Variants in CADPS observed in about 807,000 individuals in gnomAD.
CADPS encodes calcium dependent secretion activator.
In CADPS, 57 loss-of-function variants were observed where a neutral mutation model predicts 167.3. That is an observed-to-expected ratio of 0.34 (90% CI 0.28 to 0.42). The LOEUF (loss-of-function observed/expected upper bound fraction) is 0.42. CADPS is among the 20% of genes least tolerant of loss of function. CADPS has a pLI of 1.00. For missense variants in CADPS, 1,414 were observed against 1,738.1 expected, an observed-to-expected ratio of 0.81 and a Z score of 3.32; for synonymous variants, 676 against 635.3, an observed-to-expected ratio of 1.06 and a Z score of -0.96.
intron 1 of CADPS, among the ~76,000 whole-genome samples, chr3:62,853,696 C>T (rs1282398182): frequency 6.6e-6 from 1 of 151,588 alleles, no homozygotes; most frequent in Non-Finnish European, 1.5e-5. Context: ...CCCAGTGGCT[C>T]ACGCCTATAA....
At chr3:62,809,027 A>T (rs1314662354) in intron 1 of CADPS, among the ~76,000 whole-genome samples, 1 of 151,988 alleles carries the variant, frequency 6.6e-6, no homozygotes, top group Non-Finnish European at 1.5e-5. Context: ...TTTTTCCTTC[A>T]CTTAATCCAT....
rs914228903 is a variant in CADPS, at chr3:62,465,124, T to C, written c.3636+243A>G. On this transcript the variant is annotated intron_variant, in intron 26 of 29. Coordinates refer to ENST00000383710, the MANE Select transcript of CADPS (RefSeq NM_003716.4). This position sits in a 1 kb window ranked among gnomAD's most constrained non-coding sequence, Gnocchi z 4.1. ...ATCTCTGGATGCATACAAATAGCAA[T>C]GTGTGTGTGTGTTCATAAAAAATAC... Among the ~76,000 whole-genome samples, 1 of 152,096 alleles carries C rather than the reference T, an allele frequency of 6.6e-6. No individual in the cohort carries two copies. Among genetic ancestry groups the C allele is most frequent in the African/African-American group, 2.4e-5 (1 of 41,430 alleles).
At chr3:62,592,784 T>C in intron 6 of CADPS, 36 bp from the exon 7 acceptor site, 1 of 1,479,898 alleles carries the variant, frequency 6.8e-7, no homozygotes, top group South Asian at 1.1e-5. Flanking sequence ...TGTAGACATA[T>C]CTGCCTTGAT....
At chr3:62,616,674 C>T (rs2062360118) in intron 6 of CADPS, among the ~76,000 whole-genome samples, 1 of 152,074 alleles carries the variant, frequency 6.6e-6, no homozygotes, top group Non-Finnish European at 1.5e-5. Flanking sequence ...ACTATATCCT[C>T]AATATAATGC....
chr3:62,484,145 C>T (rs926235195), intron 21 of CADPS, among the ~76,000 whole-genome samples: 1 of 151,966 alleles, frequency 6.6e-6, no homozygotes. Context: ...AGAAACATTT[C>T]CTTCTCTTTT....
chr3:62,522,857 A>C (rs1457985487), intron 13 of CADPS, among the ~76,000 whole-genome samples: 5 of 152,150 alleles, frequency 3.3e-5, no homozygotes, highest in Non-Finnish European at 7.3e-5. Context: ...GGTCAAGCGC[A>C]GTCATTTTTG....
intron 1 of CADPS, among the ~76,000 whole-genome samples, chr3:62,800,691 A>C (rs2093706541): frequency 6.6e-6 from 1 of 152,104 alleles, no homozygotes; most frequent in Admixed American, 6.6e-5. Flanking sequence ...CACCCATGCA[A>C]TTTGGTATGT....
At chr3:62,533,369 C>T (rs552282096) in intron 12 of CADPS, among the ~76,000 whole-genome samples, 15 of 152,198 alleles carry the variant, frequency 9.9e-5, no homozygotes, top group Non-Finnish European at 2.1e-4. Context: ...GTCTCACCTA[C>T]TGCTTGAACA....
chr3:62,624,320 TCTC>T (rs1337633517), intron 6 of CADPS, among the ~76,000 whole-genome samples: 4 of 152,104 alleles, frequency 2.6e-5, no homozygotes, highest in African/African-American at 9.7e-5. Flanking sequence ...CTGAATCTCT[TCTC>T]CTCATTCCCA....
At chr3:62,574,363 A>G (rs1187479911) in intron 8 of CADPS, among the ~76,000 whole-genome samples, 1 of 152,154 alleles carries the variant, frequency 6.6e-6, no homozygotes, top group Non-Finnish European at 1.5e-5. Flanking sequence ...TAGAGAATAC[A>G]CTGTAGGAGG....
chr3:62,849,568 CT>C (rs2078148820), intron 1 of CADPS, among the ~76,000 whole-genome samples: 1 of 126,596 alleles, frequency 7.9e-6, no homozygotes, highest in Admixed American at 8.0e-5. Context: ...TGTTTATATG[CT>C]GGATTACATT....
chr3:62,616,171 CTTTAAGCACAGAATGATAATTTCAT>C (rs2149385558), intron 6 of CADPS, among the ~76,000 whole-genome samples: 1 of 152,310 alleles, frequency 6.6e-6, no homozygotes, highest in East Asian at 1.9e-4. Flanking sequence ...AATTTCATCA[CTTTAAGCACAGAATGATAATTTCAT>C]TTTCCATTCT....
At chr3:62,468,255 T>C (rs1208195955) in intron 24 of CADPS, among the ~76,000 whole-genome samples, 3 of 152,184 alleles carry the variant, frequency 2.0e-5, no homozygotes, top group Non-Finnish European at 4.4e-5. Context: ...ATCACATGCT[T>C]ACTTTTCCTC....
chr3:62,756,502 A>G (rs2083949398), intron 2 of CADPS, among the ~76,000 whole-genome samples: 1 of 152,214 alleles, frequency 6.6e-6, no homozygotes, highest in South Asian at 2.1e-4. Context: ...GGTGGAAGAC[A>G]CTGTACCAGG....
rs750321686 is a variant in CADPS at position 62,853,959 on chromosome 3, AAAATAAAT to A, written c.441+20622_441+20629del. On this transcript the variant is annotated intron_variant, in intron 1 of 29. Coordinates refer to ENST00000383710, the MANE Select transcript of CADPS (RefSeq NM_003716.4). ...CGACAGACAGTAAGCCTGTCACATT[AAAATAAAT>A]AAATAAATAAATAATACATGACAAA... is the stretch of plus-strand genomic sequence containing the variant. Among the ~76,000 whole-genome samples, 5 of 152,236 alleles carry A rather than the reference AAAATAAAT, an allele frequency of 3.3e-5. No individual in the cohort carries two copies. The South Asian group carries it at 6.2e-4, about 19-fold the overall frequency.
intron 6 of CADPS, among the ~76,000 whole-genome samples, chr3:62,622,116 C>A (rs1341698017): frequency 6.6e-6 from 1 of 152,084 alleles, no homozygotes; most frequent in Admixed American, 6.6e-5. Context: ...CTGCCTTTCA[C>A]TGGTTTCCTG....
In CADPS at chr3:62,550,075, C is replaced by T. The variant is rs1170196303; in HGVS notation, c.1794G>A (p.Glu598=). 5 of 1,614,048 alleles carry T rather than the reference C, an allele frequency of 3.1e-6. No individual in the cohort carries two copies. In the South Asian group the frequency reaches 3.3e-5, roughly 11 times the overall value. The change falls in exon 11 of 30, where the codon GAG becomes GAA. Residue 598 remains glutamate, a synonymous_variant. Transcript: ENST00000383710. ...GGRAFFNAVK[E]GDTVIFASDD... ...CACTGGCAAATATCACGGTGTCTCC[C>T]TCCTTGACAGCATTGAAGAAGGCTC...
At chr3:62,485,762 G>A (rs958451145) in intron 21 of CADPS, among the ~76,000 whole-genome samples, 1 of 152,196 alleles carries the variant, frequency 6.6e-6, no homozygotes, top group East Asian at 1.9e-4. Context: ...ATAGGTGTTA[G>A]GGAGGCAGCG....
chr3:62,670,953 C>T (rs543376206), intron 3 of CADPS, among the ~76,000 whole-genome samples: 2 of 152,314 alleles, frequency 1.3e-5, no homozygotes, highest in Admixed American at 1.3e-4. Context: ...TCTTCCACCC[C>T]AGAGCAGTCA....
Sources: gnomAD v4.1 joint callset for allele counts (sites outside exome capture counted in the v4.1 genomes callset) on GRCh38, gnomAD v4.1.1 for gene constraint, Gnocchi (gnomAD v3.1) non-coding constraint, MANE v1.5 for transcripts, NCBI Gene and HGNC (gene_info 2026-07-23, HGNC 2026-07-21) for gene names.